GRM7: variants seen among roughly 807,000 people sequenced by gnomAD.
GRM7 encodes metabotropic glutamate receptor 7.
GRM7 carries 35 observed loss-of-function variants against 84.5 expected under a neutral mutation model. That is an observed-to-expected ratio of 0.41 (90% CI 0.32 to 0.55). The LOEUF (loss-of-function observed/expected upper bound fraction) is 0.55. Ranked by LOEUF, GRM7 falls within the 20% of genes least tolerant of loss-of-function variation. The pLI, the probability that GRM7 is intolerant of heterozygous loss-of-function variation, is 0.19. For missense variants in GRM7, 1,003 were observed against 1,194.6 expected, an observed-to-expected ratio of 0.84 and a Z score of 2.36; for synonymous variants, 487 against 455.1, an observed-to-expected ratio of 1.07 and a Z score of -0.89.
chr3:7,216,609 T>C (rs949396399), intron 2 of GRM7, among the ~76,000 whole-genome samples: 1 of 152,190 alleles, frequency 6.6e-6, no homozygotes, highest in South Asian at 2.1e-4. Flanking sequence ...TCTTTCAATA[T>C]GTAGGTTACT....
At chr3:7,680,437 G>A in intron 9 of GRM7, 142 bp downstream of exon 9, 1 of 757,994 alleles carries the variant, frequency 1.3e-6, no homozygotes, top group South Asian at 1.8e-5. Flanking sequence ...GCCAGCTTCT[G>A]CTCTTTTGAG....
Position 6,861,699 on chromosome 3 carries a change from G to T in GRM7, c.311G>T (p.Arg104Leu), listed in dbSNP as rs1358525720. ...NLLPNVTLGARILDTCSRDTY... is the reference protein window; with the variant it reads ...NLLPNVTLGALILDTCSRDTY... ...CTGCCCAACGTGACGCTGGGCGCGC[G>T]GATCCTGGACACTTGTTCCAGGGAC... The change falls in exon 1 of 10, where the codon CGG becomes CTG. Residue 104 changes from arginine to leucine, a missense_variant. Arg to Leu is a moderately radical substitution (Grantham distance 102, BLOSUM62 -2). This residue lies in a region of GRM7 where 910 missense variants were observed against 1,126.0 expected (regional missense o/e 0.81). Coordinates refer to ENST00000357716, the MANE Select transcript of GRM7 (RefSeq NM_000844.4). The surrounding 1 kb of genome is among the most constrained non-coding windows in gnomAD (Gnocchi z 6.4). 4.3e-6 allele frequency: 7 copies of T among 1,614,040 alleles called. No individual in the cohort carries two copies. Among genetic ancestry groups the T allele is most frequent in the African/African-American group, 2.7e-5 (2 of 74,944 alleles).
At chr3:7,434,258 A>G (rs1012540404) in intron 5 of GRM7, among the ~76,000 whole-genome samples, 7 of 152,164 alleles carry the variant, frequency 4.6e-5, no homozygotes, top group African/African-American at 1.7e-4. Context: ...ACATCATCTG[A>G]CACAGTGCTT....
In GRM7 at chr3:7,525,399, T is replaced by G. The variant is rs370396211; in HGVS notation, c.1516-53023T>G. Among the ~76,000 whole-genome samples the G allele has an allele frequency of 5.8e-3, 883 of 152,162 alleles. 2 individuals are homozygous for G. Among genetic ancestry groups the G allele is most frequent in the African/African-American group, 0.02 (830 of 41,528 alleles). ...GGAGTATAGGAAACTGATTTGTTTTTGGGGGGATGGGGTCTCCCTATGTTA... is the reference window on the plus strand; with the variant it reads ...GGAGTATAGGAAACTGATTTGTTTTGGGGGGGATGGGGTCTCCCTATGTTA... On this transcript the variant is annotated intron_variant, in intron 7 of 9. Coordinates refer to ENST00000357716, the MANE Select transcript of GRM7 (RefSeq NM_000844.4).
chr3:6,915,358 C>A (rs1199330174), intron 1 of GRM7, among the ~76,000 whole-genome samples: 1 of 152,052 alleles, frequency 6.6e-6, no homozygotes, highest in African/African-American at 2.4e-5. Flanking sequence ...TGTTTTATCC[C>A]ATGTTGTACC....
chr3:7,479,166 G>A (rs1467823225), intron 7 of GRM7, among the ~76,000 whole-genome samples: 1 of 152,020 alleles, frequency 6.6e-6, no homozygotes, highest in Non-Finnish European at 1.5e-5. Context: ...GGCGAGTCAG[G>A]CAAGAAAGGG....
intron 8 of GRM7, among the ~76,000 whole-genome samples, chr3:7,670,197 A>G (rs1437344921): frequency 6.6e-6 from 1 of 152,204 alleles, no homozygotes; most frequent in Non-Finnish European, 1.5e-5. Flanking sequence ...AGGCAGGAAA[A>G]CAAAGACATA....
intron 7 of GRM7, chr3:7,561,509 T>C (rs939182596): frequency 8.8e-6 from 4 of 456,390 alleles, no homozygotes; most frequent in Non-Finnish European, 1.8e-5. Flanking sequence ...ATAGAGACCA[T>C]TTGTGCCTGC....
At chr3:7,503,727 C>A (rs913480078) in intron 7 of GRM7, among the ~76,000 whole-genome samples, 8 of 152,234 alleles carry the variant, frequency 5.3e-5, no homozygotes, top group Admixed American at 1.3e-4. Context: ...CCTCTGAAGT[C>A]AATTGCTAAT....
intron 8 of GRM7, among the ~76,000 whole-genome samples, chr3:7,610,657 GTATATCCAAAGGAAGCA>G (rs1696808516): frequency 6.6e-6 from 1 of 152,154 alleles, no homozygotes; most frequent in Non-Finnish European, 1.5e-5. Context: ...TAGGTATGAG[GTATATCCAAAGGAAGCA>G]TCTTGGGATT....
At chr3:7,656,520 AAAAT>A (rs1478415778) in intron 8 of GRM7, among the ~76,000 whole-genome samples, 83 of 89,508 alleles carry the variant, frequency 9.3e-4, no homozygotes, top group African/African-American at 4.1e-3. Flanking sequence ...CAAATAAAAA[AAAAT>A]ATATATATAT....
At chr3:7,222,608 A>C (rs767768036) in intron 2 of GRM7, among the ~76,000 whole-genome samples, 1 of 152,184 alleles carries the variant, frequency 6.6e-6, no homozygotes, top group African/African-American at 2.4e-5. Flanking sequence ...ATCCCTCAGC[A>C]GAGAAACTAG....
At chr3:6,965,488 G>A (rs934389839) in intron 1 of GRM7, among the ~76,000 whole-genome samples, 12 of 151,690 alleles carry the variant, frequency 7.9e-5, no homozygotes, top group Admixed American at 6.6e-5. Flanking sequence ...CACCATGCCC[G>A]GCTAATTTTT....
At chr3:7,357,805 C>A (rs958367960) in intron 4 of GRM7, among the ~76,000 whole-genome samples, 1 of 152,018 alleles carries the variant, frequency 6.6e-6, no homozygotes, top group African/African-American at 2.4e-5. Flanking sequence ...AAAAACATTT[C>A]TCTGTATTCA....
At chr3:7,616,867 C>G (rs1697105116) in intron 8 of GRM7, among the ~76,000 whole-genome samples, 1 of 151,992 alleles carries the variant, frequency 6.6e-6, no homozygotes. Flanking sequence ...GTTGTGCTTT[C>G]TGGATGGAAA....
chr3:7,455,006 T>G (rs712796), intron 6 of GRM7, among the ~76,000 whole-genome samples: 122,533 of 151,944 alleles, frequency 0.81, 49,926 homozygotes, highest in Non-Finnish European at 0.86. Flanking sequence ...GAAAGTCCAA[T>G]ATAAGCTGGA....
chr3:7,666,383 A>C (rs986559709), intron 8 of GRM7, among the ~76,000 whole-genome samples: 1 of 152,230 alleles, frequency 6.6e-6, no homozygotes, highest in African/African-American at 2.4e-5. Flanking sequence ...AATTCAAAAC[A>C]TAGCCAGGCC....
chr3:7,277,760 A>G (rs1348450887), intron 2 of GRM7, among the ~76,000 whole-genome samples: 2 of 152,116 alleles, frequency 1.3e-5, no homozygotes, highest in African/African-American at 4.8e-5. Context: ...GTATGTTAAA[A>G]TGGAAATGAA....
chr3:7,362,583 G>C (rs1454543241), intron 4 of GRM7, among the ~76,000 whole-genome samples: 3 of 151,942 alleles, frequency 2.0e-5, no homozygotes, highest in African/African-American at 7.3e-5. Context: ...TGGTCTACTT[G>C]ATAGGTATTG....
Sources: allele counts gnomAD v4.1 joint callset (sites outside exome capture counted in the v4.1 genomes callset), GRCh38; gene constraint gnomAD v4.1.1; regional missense constraint gnomAD v4.1.1; non-coding constraint Gnocchi (gnomAD v3.1); transcripts MANE v1.5; gene names NCBI Gene and HGNC (gene_info 2026-07-23, HGNC 2026-07-21).